The following CAPZB variants were observed in gnomAD, a reference collection of about 807,000 sequenced individuals.
The protein encoded by CAPZB is capping actin protein of muscle Z-line subunit beta.
In CAPZB, 2 loss-of-function variants were observed where a neutral mutation model predicts 38.1. The observed-to-expected ratio is 0.05, with a 90% CI of 0.02 to 0.17. CAPZB has a LOEUF of 0.17. CAPZB is among the 10% of genes least tolerant of loss of function. CAPZB has a pLI of 1.00. For missense variants in CAPZB, 161 were observed against 334.2 expected, an observed-to-expected ratio of 0.48 and a Z score of 4.04; for synonymous variants, 107 against 127.4, an observed-to-expected ratio of 0.84 and a Z score of 1.08.
chr1:19,427,453 C>A (rs2094427045), intron 1 of CAPZB, among the ~76,000 whole-genome samples: 1 of 152,236 alleles, frequency 6.6e-6, no homozygotes, highest in Non-Finnish European at 1.5e-5. Context: ...TGGAGTCTCA[C>A]TTAACCATGG....
intron 1 of CAPZB, among the ~76,000 whole-genome samples, chr1:19,458,196 G>C (rs2094539303): frequency 6.6e-6 from 1 of 151,306 alleles, no homozygotes; most frequent in Non-Finnish European, 1.5e-5. Context: ...TGAACTACAT[G>C]AAATTGCCAA....
At chr1:19,432,739 T>C (rs752291384) in intron 1 of CAPZB, among the ~76,000 whole-genome samples, 4 of 152,200 alleles carry the variant, frequency 2.6e-5, no homozygotes, top group Non-Finnish European at 5.9e-5. Context: ...GAGCACTGAA[T>C]GACACAGAAG....
chr1:19,395,333 C>T (rs1278173150), intron 2 of CAPZB, among the ~76,000 whole-genome samples: 1 of 152,126 alleles, frequency 6.6e-6, no homozygotes, highest in African/African-American at 2.4e-5. Flanking sequence ...CCATTAACAA[C>T]AAAGAGCTTT....
At chr1:19,396,636 C>T (rs1356954819) in intron 2 of CAPZB, among the ~76,000 whole-genome samples, 3 of 152,106 alleles carry the variant, frequency 2.0e-5, no homozygotes, top group African/African-American at 7.2e-5. Flanking sequence ...CTTTCTCAGT[C>T]CACATTTTTA....
chr1:19,450,807 G>A (rs2100695029), intron 1 of CAPZB, among the ~76,000 whole-genome samples: 1 of 152,296 alleles, frequency 6.6e-6, no homozygotes, highest in East Asian at 1.9e-4. Context: ...AGCAGCAAGA[G>A]GGAAAAAGTA....
intron 1 of CAPZB, among the ~76,000 whole-genome samples, chr1:19,474,284 C>G (rs2094599515): frequency 6.6e-6 from 1 of 152,194 alleles, no homozygotes; most frequent in Admixed American, 6.5e-5. Context: ...TGTGAACTAC[C>G]TCACCGGGCC....
intron 1 of CAPZB, among the ~76,000 whole-genome samples, chr1:19,454,008 C>G (rs567071881): frequency 1.3e-5 from 2 of 152,344 alleles, no homozygotes; most frequent in South Asian, 2.1e-4. Flanking sequence ...CAACCCTCCC[C>G]TAAGTGCGCT....
chr1:19,394,546 C>A (rs1003301234), intron 2 of CAPZB, among the ~76,000 whole-genome samples: 88 of 152,206 alleles, frequency 5.8e-4, no homozygotes, highest in Middle Eastern at 3.4e-3. Context: ...CATAGTGAAA[C>A]GCTGTTTCTA....
In CAPZB at chr1:19,485,426, C is replaced by T. The variant is rs1439516715; in HGVS notation, c.3+10G>A. The T allele has an allele frequency of 8.1e-7, 1 of 1,229,428 alleles. No individual in the cohort carries two copies. Among genetic ancestry groups the T allele is most frequent in the Non-Finnish European group, 1.0e-6 (1 of 986,446 alleles). The allele number at this position is 1,229,428 out of a possible 1,614,324, so 76.2% of individuals were successfully genotyped here. A position where few individuals can be genotyped will look rare whatever the true frequency, so the allele number is the denominator to read the frequency against. The stretch of plus-strand genomic sequence containing the variant: ...CCCCCGGGCCGGGGAGGGGGCCGTG[C>T]GGCCTTTACCATGGTGGCGGCGGCG... On this transcript the variant is annotated intron_variant, in intron 1 of 8. Transcript: ENST00000264202.
chr1:19,364,052 C>T (rs556941106), intron 4 of CAPZB, among the ~76,000 whole-genome samples: 14 of 152,330 alleles, frequency 9.2e-5, no homozygotes, highest in Non-Finnish European at 1.6e-4. Context: ...GCCTGAGATA[C>T]CTGTGACGCT....
chr1:19,352,399 G>A (rs1021594949), intron 6 of CAPZB, among the ~76,000 whole-genome samples: 6 of 152,142 alleles, frequency 3.9e-5, no homozygotes, highest in Non-Finnish European at 8.8e-5. Flanking sequence ...AATATCAAAC[G>A]AACATCTGCA....
chr1:19,423,977 A>C (rs190065113), intron 1 of CAPZB, among the ~76,000 whole-genome samples: 1 of 152,038 alleles, frequency 6.6e-6, no homozygotes, highest in East Asian at 2.0e-4. Flanking sequence ...ATGCCCAGCC[A>C]ATTTTTCTAT....
At chr1:19,455,411 C>T (rs1181897503) in intron 1 of CAPZB, among the ~76,000 whole-genome samples, 3 of 152,164 alleles carry the variant, frequency 2.0e-5, no homozygotes, top group Non-Finnish European at 4.4e-5. Context: ...GAGAGAAGAT[C>T]GCTGGGTGGC....
At chr1:19,450,464 C>T (rs1044493273) in intron 1 of CAPZB, among the ~76,000 whole-genome samples, 1 of 152,162 alleles carries the variant, frequency 6.6e-6, no homozygotes, top group African/African-American at 2.4e-5. Context: ...GGATACTCAG[C>T]CTGTAAGAGT....
Position 19,357,567 on chromosome 1 carries a change from C to T in CAPZB, c.330-4G>A. 1 of 1,613,970 alleles carries T rather than the reference C, an allele frequency of 6.2e-7. No homozygotes were observed. The highest frequency in any genetic ancestry group is 8.5e-7 in the Non-Finnish European group (1 of 1,179,944). ...TGAGACGCCACCTTCAAAATACCTG[C>T]AGGAAACAGGCCAATGTGCCTGTTA... is the stretch of plus-strand genomic sequence containing the variant. On this transcript the variant is annotated splice_region_variant and splice_polypyrimidine_tract_variant and intron_variant, in intron 4 of 8. Transcript: ENST00000264202. This position sits in a 1 kb window ranked among gnomAD's most constrained non-coding sequence, Gnocchi z 4.3.
intron 2 of CAPZB, 146 bp downstream of exon 2, chr1:19,419,515 C>T (rs1288924841): frequency 5.0e-6 from 3 of 600,264 alleles, no homozygotes; most frequent in East Asian, 2.8e-5. Context: ...TTCTCTCTGC[C>T]TGGAGGAATC....
At chr1:19,419,832 C>A in intron 1 of CAPZB, 82 bp from the exon 2 acceptor site, 1 of 857,962 alleles carries the variant, frequency 1.2e-6, no homozygotes, top group Non-Finnish European at 1.9e-6. Context: ...CATGCTTGCC[C>A]AAGGCATTCT....
chr1:19,339,719 G>A, intron 8 of CAPZB, 102 bp from the exon 9 acceptor site: 1 of 891,454 alleles, frequency 1.1e-6, no homozygotes. Context: ...TTGCTGCATG[G>A]ACCCGCTTCC....
chr1:19,453,523 A>G (rs1288604550), intron 1 of CAPZB, among the ~76,000 whole-genome samples: 1 of 152,146 alleles, frequency 6.6e-6, no homozygotes, highest in Admixed American at 6.5e-5. Context: ...GGCCTCCCAA[A>G]GTGCTGTGAC....
Sources: allele counts gnomAD v4.1 joint callset (sites outside exome capture counted in the v4.1 genomes callset), GRCh38; gene constraint gnomAD v4.1.1; non-coding constraint Gnocchi (gnomAD v3.1); transcripts MANE v1.5; gene names NCBI Gene and HGNC (gene_info 2026-07-23, HGNC 2026-07-21).